The following NBEA variants were observed in gnomAD, a reference collection of about 807,000 sequenced individuals.
NBEA encodes the protein lysosomal-trafficking regulator 2.
NBEA carries 44 observed loss-of-function variants against 343.4 expected under a neutral mutation model. The observed-to-expected ratio is 0.13, with a 90% CI of 0.10 to 0.16. NBEA has a LOEUF of 0.16. Among genes scored for constraint, NBEA ranks in the 10% least tolerant of loss-of-function variants. The pLI is 1.00. For synonymous variants in NBEA, 1,175 were observed against 1,238.7 expected, an observed-to-expected ratio of 0.95 and a Z score of 1.08; for missense variants, 2,555 against 3,631.3, an observed-to-expected ratio of 0.70 and a Z score of 7.62.
intron 1 of NBEA, among the ~76,000 whole-genome samples, chr13:35,032,337 C>A (rs1012989007): frequency 1.3e-5 from 2 of 151,716 alleles, no homozygotes; most frequent in Non-Finnish European, 3.0e-5. Flanking sequence ...TTAATAATAG[C>A]CATTCTTCTT....
chr13:35,021,035 A>G (rs1296986104), intron 1 of NBEA, among the ~76,000 whole-genome samples: 2 of 152,038 alleles, frequency 1.3e-5, no homozygotes, highest in African/African-American at 4.8e-5. Flanking sequence ...TTTTTTCTTC[A>G]TATGAGAAGC....
chr13:35,414,498 G>A (rs577244248), intron 38 of NBEA, among the ~76,000 whole-genome samples: 2 of 151,968 alleles, frequency 1.3e-5, no homozygotes, highest in East Asian at 3.9e-4. Flanking sequence ...TTCGGTCCTT[G>A]CGATAGTTTG....
At chr13:35,318,787 A>G (rs2037928781) in intron 36 of NBEA, among the ~76,000 whole-genome samples, 1 of 152,080 alleles carries the variant, frequency 6.6e-6, no homozygotes, top group Non-Finnish European at 1.5e-5. Flanking sequence ...AGAACTTGTT[A>G]TTGGTCTATT....
intron 48 of NBEA, among the ~76,000 whole-genome samples, chr13:35,621,254 C>T (rs555381300): frequency 7.2e-5 from 11 of 152,284 alleles, no homozygotes; most frequent in African/African-American, 2.6e-4. Flanking sequence ...TTGTTTGTCA[C>T]AGCATCCCAG....
At chr13:35,358,433 CA>C (rs2099366428) in intron 38 of NBEA, among the ~76,000 whole-genome samples, 1 of 151,938 alleles carries the variant, frequency 6.6e-6, no homozygotes, top group African/African-American at 2.4e-5. Context: ...ATTATAGAAA[CA>C]GGCCAGGCAA....
intron 1 of NBEA, among the ~76,000 whole-genome samples, chr13:34,976,524 ACTT>A (rs1215505179): frequency 6.6e-6 from 1 of 152,180 alleles, no homozygotes; most frequent in Non-Finnish European, 1.5e-5. Context: ...CCAGTAAAGA[ACTT>A]ATTTATGTAA....
chr13:35,369,862 G>A (rs1388204145), intron 38 of NBEA, among the ~76,000 whole-genome samples: 1 of 151,904 alleles, frequency 6.6e-6, no homozygotes, highest in Non-Finnish European at 1.5e-5. Flanking sequence ...TGATTGCTCT[G>A]TTCAGGACTT....
At chr13:35,629,992 C>CTA (rs2083384057) in intron 49 of NBEA, among the ~76,000 whole-genome samples, 1 of 151,886 alleles carries the variant, frequency 6.6e-6, no homozygotes, top group Admixed American at 6.6e-5. Context: ...AAGTCCTGTT[C>CTA]TTATAAAGAA....
chr13:35,391,264 G>T (rs1176974314), intron 38 of NBEA, among the ~76,000 whole-genome samples: 1 of 146,240 alleles, frequency 6.8e-6, no homozygotes, highest in Non-Finnish European at 1.5e-5. Context: ...GACATAGCCA[G>T]ACTTGATCTC....
chr13:35,457,587 CTT>C (rs1695747712), intron 40 of NBEA, among the ~76,000 whole-genome samples: 1 of 152,022 alleles, frequency 6.6e-6, no homozygotes, highest in Admixed American at 6.6e-5. Context: ...TCATCAAGCC[CTT>C]TCCATATTTT....
Position 35,159,685 on chromosome 13 carries a change from C to G in NBEA, c.3514C>G (p.Gln1172Glu). ...LSSNHIIPNI[Q>E]DTQVHLGVSD... ...TAGCAATCACATTATTCCAAATATT[C>G]AGGACACACAAGTACATCTTGGTGT... The change falls in exon 22 of 59, where the codon CAG becomes GAG. Residue 1172 changes from glutamine (Q) to glutamate (E), a missense_variant. Physicochemically the swap from Gln to Glu is conservative, Grantham distance 29. Coordinates refer to ENST00000379939, the MANE Select transcript of NBEA (RefSeq NM_001385012.1). 3 of 1,612,470 alleles carry G rather than the reference C, an allele frequency of 1.9e-6. No homozygotes were observed. Among genetic ancestry groups the G allele is most frequent in the East Asian group, 2.2e-5 (1 of 44,746 alleles).
At chr13:35,241,810 A>G (rs1439057419) in intron 34 of NBEA, among the ~76,000 whole-genome samples, 1 of 151,880 alleles carries the variant, frequency 6.6e-6, no homozygotes, top group African/African-American at 2.4e-5. Flanking sequence ...TAGGAAATCC[A>G]TTGCTATTTT....
intron 8 of NBEA, among the ~76,000 whole-genome samples, chr13:35,059,424 G>A (rs547272997): frequency 6.6e-6 from 1 of 151,862 alleles, no homozygotes; most frequent in South Asian, 2.1e-4. Flanking sequence ...AAGACTCTAG[G>A]TAAGATAGAG....
At chr13:35,552,975 T>C (rs942716633) in intron 43 of NBEA, among the ~76,000 whole-genome samples, 27 of 152,106 alleles carry the variant, frequency 1.8e-4, no homozygotes, top group Non-Finnish European at 1.5e-4. Context: ...ACCGCAGCCT[T>C]GATGTCCCCA....
intron 49 of NBEA, among the ~76,000 whole-genome samples, chr13:35,628,978 AC>A (rs2083342816): frequency 6.6e-6 from 1 of 152,146 alleles, no homozygotes; most frequent in African/African-American, 2.4e-5. Flanking sequence ...ATACTCAAAA[AC>A]ATGCATGAAT....
chr13:35,349,243 C>A, intron 37 of NBEA, 27 bp downstream of exon 37: 1 of 1,404,962 alleles, frequency 7.1e-7, no homozygotes, highest in Non-Finnish European at 9.9e-7. Flanking sequence ...AGACTAAATT[C>A]TGCCTTTCTA....
At chr13:35,378,616 AT>A (rs2041861776) in intron 38 of NBEA, among the ~76,000 whole-genome samples, 1 of 152,054 alleles carries the variant, frequency 6.6e-6, no homozygotes, top group African/African-American at 2.4e-5. Flanking sequence ...ACCACAGGAT[AT>A]TTAAAAAGGC....
intron 44 of NBEA, among the ~76,000 whole-genome samples, chr13:35,563,444 A>G (rs2079976800): frequency 6.6e-6 from 1 of 151,890 alleles, no homozygotes; most frequent in Admixed American, 6.6e-5. Flanking sequence ...CTAATTCATG[A>G]TTAAAACATA....
chr13:35,286,397 C>G (rs2035428546), intron 34 of NBEA, among the ~76,000 whole-genome samples: 1 of 152,072 alleles, frequency 6.6e-6, no homozygotes, highest in African/African-American at 2.4e-5. Flanking sequence ...AGAGTCTCCT[C>G]TCTTGGATCC....
Sources: allele counts gnomAD v4.1 joint callset (sites outside exome capture counted in the v4.1 genomes callset), GRCh38; gene constraint gnomAD v4.1.1; transcripts MANE v1.5; gene names NCBI Gene and HGNC (gene_info 2026-07-23, HGNC 2026-07-21).